CIMAP3: variants seen among roughly 807,000 people sequenced by gnomAD.
CIMAP3 encodes ciliary microtubule associated protein 3, also known as ciliary microtubule-associated protein 3.
the CIMAP3 span, chr1:111,350,086 G>T: frequency 1.9e-6 from 3 of 1,580,912 alleles, no homozygotes; most frequent in Non-Finnish European, 2.6e-6. Flanking sequence ...TAGACATGAT[G>T]CTTGTATTTT....
At chr1:111,333,830 A>G in the CIMAP3 span, among the ~76,000 whole-genome samples, 1 of 152,208 alleles carries the variant, frequency 6.6e-6, no homozygotes, top group Admixed American at 6.5e-5. Context: ...AGTGTCAGAA[A>G]TAAATGTCAG....
chr1:111,337,280 C>A, the CIMAP3 span, among the ~76,000 whole-genome samples: 1 of 152,196 alleles, frequency 6.6e-6, no homozygotes, highest in East Asian at 1.9e-4. Context: ...TAGGAAGAAA[C>A]TGCATCAACT....
the CIMAP3 span, among the ~76,000 whole-genome samples, chr1:111,333,256 C>G: frequency 6.6e-6 from 1 of 152,200 alleles, no homozygotes; most frequent in African/African-American, 2.4e-5. Context: ...AGCATCACAG[C>G]CTATCCTAGA....
the CIMAP3 span, chr1:111,346,473 G>T: frequency 2.5e-6 from 2 of 811,056 alleles, no homozygotes; most frequent in Non-Finnish European, 1.9e-6. Flanking sequence ...ACAATCCCCT[G>T]GGCTTTGGGC....
the CIMAP3 span, chr1:111,351,676 C>G: frequency 5.5e-6 from 1 of 180,660 alleles, no homozygotes; most frequent in Non-Finnish European, 1.2e-5. Flanking sequence ...TCATAGGAGG[C>G]TGTTAGCCTA....
chr1:111,327,658 G>T, the CIMAP3 span, among the ~76,000 whole-genome samples: 1 of 152,036 alleles, frequency 6.6e-6, no homozygotes, highest in African/African-American at 2.4e-5. Context: ...GGTGTTCTTA[G>T]TAGTTTCTGA....
chr1:111,330,907 G>A, the CIMAP3 span, among the ~76,000 whole-genome samples: 2 of 152,216 alleles, frequency 1.3e-5, no homozygotes, highest in Non-Finnish European at 2.9e-5. Flanking sequence ...CATGGGAGAT[G>A]AGCTGGCCTC....
At chr1:111,346,799 G>C in the CIMAP3 span, 1 of 1,568,066 alleles carries the variant, frequency 6.4e-7, no homozygotes, top group Non-Finnish European at 8.8e-7. Context: ...TTTTGTAAGC[G>C]CACGGTTGGG....
the CIMAP3 span, among the ~76,000 whole-genome samples, chr1:111,337,818 A>C: frequency 6.6e-6 from 1 of 152,124 alleles, no homozygotes; most frequent in Non-Finnish European, 1.5e-5. Flanking sequence ...ATACCCAGGA[A>C]TTGAACTCAG....
At chr1:111,346,956 T>C in the CIMAP3 span, 1 of 1,613,826 alleles carries the variant, frequency 6.2e-7, no homozygotes, top group Non-Finnish European at 8.5e-7. Flanking sequence ...AGAGGAAACT[T>C]TTTCCTCACT....
the CIMAP3 span, among the ~76,000 whole-genome samples, chr1:111,334,262 T>C: frequency 2.0e-5 from 3 of 152,166 alleles, no homozygotes; most frequent in Admixed American, 6.5e-5. Context: ...AGAAAGAACA[T>C]GAAAAGCCAA....
the CIMAP3 span, chr1:111,352,832 A>T: frequency 6.6e-6 from 1 of 152,198 alleles, no homozygotes; most frequent in Non-Finnish European, 1.5e-5. Context: ...GGAGGTGGGG[A>T]TAGAACATCT....
the CIMAP3 span, among the ~76,000 whole-genome samples, chr1:111,343,172 T>A: frequency 2.6e-5 from 4 of 152,230 alleles, no homozygotes; most frequent in Non-Finnish European, 5.9e-5. Context: ...ATTCATCTTG[T>A]CATTTAATTT....
the CIMAP3 span, among the ~76,000 whole-genome samples, chr1:111,347,282 T>C: frequency 2.0e-5 from 3 of 152,116 alleles, no homozygotes; most frequent in Non-Finnish European, 4.4e-5. Flanking sequence ...CTTCATAAAA[T>C]CCCTACTCCT....
chr1:111,351,629 C>G, the CIMAP3 span: 1 of 235,096 alleles, frequency 4.3e-6, no homozygotes, highest in East Asian at 8.7e-5. Flanking sequence ...TTCTAATTCC[C>G]AGGAGCCAAT....
At chr1:111,337,516 A>G in the CIMAP3 span, among the ~76,000 whole-genome samples, 1 of 152,006 alleles carries the variant, frequency 6.6e-6, no homozygotes, top group African/African-American at 2.4e-5. Context: ...TACCAAGCCA[A>G]TGGAAAACAA....
the CIMAP3 span, among the ~76,000 whole-genome samples, chr1:111,325,425 G>A: frequency 6.6e-6 from 1 of 152,076 alleles, no homozygotes; most frequent in Non-Finnish European, 1.5e-5. Context: ...GGTAGATGTA[G>A]GTTTTAAGAA....
the CIMAP3 span, among the ~76,000 whole-genome samples, chr1:111,326,757 C>T: frequency 7.9e-3 from 1,208 of 152,108 alleles, 16 homozygotes; most frequent in African/African-American, 0.027. Context: ...CCATCTGTTA[C>T]TTTTAGTCTT....
At chr1:111,333,170 C>T in the CIMAP3 span, among the ~76,000 whole-genome samples, 1 of 152,176 alleles carries the variant, frequency 6.6e-6, no homozygotes. Flanking sequence ...CAGGTTCACC[C>T]TGGATGGAAA....
Sources: allele counts gnomAD v4.1 joint callset (sites outside exome capture counted in the v4.1 genomes callset), GRCh38; gene constraint gnomAD v4.1.1; transcripts MANE v1.5; gene names NCBI Gene and HGNC (gene_info 2026-07-23, HGNC 2026-07-21).